Variants in PACS1 observed in about 807,000 individuals in gnomAD.
PACS1 encodes the protein PACS-1.
A neutral mutation model predicts 115.0 loss-of-function variants in PACS1; 24 were observed. That is an observed-to-expected ratio of 0.21 (90% confidence interval 0.15 to 0.29). The LOEUF (loss-of-function observed/expected upper bound fraction) is 0.29, where lower values mean the gene tolerates loss of function less well. PACS1 is among the 10% of genes least tolerant of loss of function. The probability of loss-of-function intolerance (pLI) is 1.00; values close to 1 mark genes in which losing one functional copy is unlikely to be tolerated. For missense variants in PACS1, 838 were observed against 1,251.2 expected, an observed-to-expected ratio of 0.67 and a Z score of 4.98; for synonymous variants, 453 against 504.5, an observed-to-expected ratio of 0.90 and a Z score of 1.37.
intron 1 of PACS1, among the ~76,000 whole-genome samples, chr11:66,130,942 G>A (rs1346593420): frequency 6.6e-6 from 1 of 151,860 alleles, no homozygotes; most frequent in African/African-American, 2.4e-5. Flanking sequence ...ACAGTGGCAT[G>A]TGCCTGTGGT....
intron 2 of PACS1, among the ~76,000 whole-genome samples, chr11:66,206,735 G>A (rs1854948968): frequency 6.6e-6 from 1 of 152,060 alleles, no homozygotes; most frequent in African/African-American, 2.4e-5. Context: ...CGGTGGTCAC[G>A]GTAGACCTGG....
intron 1 of PACS1, among the ~76,000 whole-genome samples, chr11:66,122,511 A>C (rs1038041925): frequency 6.6e-6 from 1 of 152,248 alleles, no homozygotes; most frequent in Non-Finnish European, 1.5e-5. Context: ...GGATCTGGGC[A>C]AAGTAAATTT....
intron 1 of PACS1, among the ~76,000 whole-genome samples, chr11:66,156,134 G>A (rs1859347727): frequency 6.9e-6 from 1 of 144,666 alleles, no homozygotes; most frequent in Non-Finnish European, 1.5e-5. Context: ...GTTTCCACTG[G>A]TATATTGTAT....
chr11:66,212,651 G>A (rs1010309857), intron 4 of PACS1, among the ~76,000 whole-genome samples: 96 of 152,018 alleles, frequency 6.3e-4, no homozygotes, highest in African/African-American at 2.1e-3. Flanking sequence ...GTACTTACTG[G>A]AAAAAATATT....
chr11:66,215,145 G>A (rs1375113903), intron 4 of PACS1, among the ~76,000 whole-genome samples: 2 of 151,288 alleles, frequency 1.3e-5, no homozygotes, highest in Admixed American at 1.3e-4. Context: ...TGTTAGCCAG[G>A]ATGGTCTTGA....
At chr11:66,108,700 G>A (rs895281374) in intron 1 of PACS1, among the ~76,000 whole-genome samples, 1 of 152,188 alleles carries the variant, frequency 6.6e-6, no homozygotes, top group African/African-American at 2.4e-5. Context: ...GGGTAATTGA[G>A]GCTGCAGTGA....
At chr11:66,107,023 A>G (rs761454160) in intron 1 of PACS1, among the ~76,000 whole-genome samples, 4 of 152,016 alleles carry the variant, frequency 2.6e-5, no homozygotes, top group Admixed American at 6.6e-5. Flanking sequence ...TGAGAAGCCT[A>G]CTCCTTAAGG....
At chr11:66,085,389 A>T (rs1209536779) in intron 1 of PACS1, among the ~76,000 whole-genome samples, 1 of 152,188 alleles carries the variant, frequency 6.6e-6, no homozygotes, top group African/African-American at 2.4e-5. Flanking sequence ...ACTGGATCTT[A>T]CTGTTTTATA....
chr11:66,079,528 T>G (rs1022627752), intron 1 of PACS1, among the ~76,000 whole-genome samples: 7 of 152,114 alleles, frequency 4.6e-5, no homozygotes, highest in African/African-American at 1.7e-4. Context: ...ACACATTGCA[T>G]TGTAATCCCT....
intron 11 of PACS1, among the ~76,000 whole-genome samples, chr11:66,229,037 G>A (rs2134731894): frequency 6.6e-6 from 1 of 151,678 alleles, no homozygotes; most frequent in South Asian, 2.1e-4. Context: ...AATTTAGAAA[G>A]GTGGCCCAGG....
intron 1 of PACS1, among the ~76,000 whole-genome samples, chr11:66,097,929 G>A (rs558000842): frequency 2.0e-5 from 3 of 152,194 alleles, no homozygotes; most frequent in Non-Finnish European, 2.9e-5. Flanking sequence ...CTGTAATCCC[G>A]GCACTTTGGG....
At chr11:66,214,794 T>TG (rs1855161275) in intron 4 of PACS1, among the ~76,000 whole-genome samples, 1 of 151,322 alleles carries the variant, frequency 6.6e-6, no homozygotes, top group African/African-American at 2.4e-5. Context: ...GCTGATTTTT[T>TG]TATTTTTAGT....
chr11:66,096,093 C>T (rs1199758360), intron 1 of PACS1, among the ~76,000 whole-genome samples: 1 of 151,876 alleles, frequency 6.6e-6, no homozygotes, highest in East Asian at 1.9e-4. Context: ...CACTACCATG[C>T]TCAGCTAATT....
chr11:66,119,336 C>T (rs776667774), intron 1 of PACS1, among the ~76,000 whole-genome samples: 30 of 152,200 alleles, frequency 2.0e-4, no homozygotes, highest in Non-Finnish European at 4.1e-4. Flanking sequence ...CACAGCCATG[C>T]TCATTCGTTT....
At chr11:66,127,881 C>G (rs1858616305) in intron 1 of PACS1, among the ~76,000 whole-genome samples, 1 of 152,172 alleles carries the variant, frequency 6.6e-6, no homozygotes, top group African/African-American at 2.4e-5. Context: ...TGTGTGCACA[C>G]CACCACCTGT....
chr11:66,118,789 A>AAG (rs1554978715), intron 1 of PACS1, among the ~76,000 whole-genome samples: 6 of 150,960 alleles, frequency 4.0e-5, no homozygotes, highest in Non-Finnish European at 8.9e-5. Flanking sequence ...AAAAAAAAAA[A>AAG]AAAGAAAGAA....
intron 11 of PACS1, among the ~76,000 whole-genome samples, chr11:66,230,135 TAAAAA>T (rs11357711): frequency 2.1e-5 from 2 of 96,906 alleles, no homozygotes. Flanking sequence ...GGAATGGGGC[TAAAAA>T]AAAAAAAAAA....
chr11:66,177,292 A>C (rs538051136), intron 1 of PACS1, among the ~76,000 whole-genome samples: 1 of 152,266 alleles, frequency 6.6e-6, no homozygotes, highest in East Asian at 1.9e-4. Flanking sequence ...TCCCGGGTTC[A>C]AGCGATTCTC....
At chr11:66,091,487 CATT>C (rs112845506) in intron 1 of PACS1, among the ~76,000 whole-genome samples, 303 of 150,932 alleles carry the variant, frequency 2.0e-3, no homozygotes, top group Middle Eastern at 0.01. Flanking sequence ...TTTTTTTTCT[CATT>C]GTTGTTGTTG....
Sources: allele counts gnomAD v4.1 joint callset (sites outside exome capture counted in the v4.1 genomes callset), GRCh38; gene constraint gnomAD v4.1.1; transcripts MANE v1.5; gene names NCBI Gene and HGNC (gene_info 2026-07-23, HGNC 2026-07-21).